Variants in ARHGAP40 observed in about 807,000 individuals in gnomAD.
The protein encoded by ARHGAP40 is Rho GTPase activating protein 40, also known as rho GTPase-activating protein 40.
Under a neutral mutation model 73.5 loss-of-function variants are expected in ARHGAP40, and 43 were observed. The observed-to-expected ratio is 0.58, with a 90% CI of 0.46 to 0.75. The LOEUF is 0.75. Ranked by LOEUF, ARHGAP40 falls within the 30% of genes least tolerant of loss-of-function variation. ARHGAP40 has a pLI of 0.00. For synonymous variants in ARHGAP40, 300 were observed against 352.8 expected (o/e 0.85, Z 1.68); for missense variants, 734 against 861.8 (o/e 0.85, Z 1.86).
chr20:38,618,123 G>A (rs1160943562), intron 1 of ARHGAP40, among the ~76,000 whole-genome samples: 2 of 149,498 alleles, frequency 1.3e-5, no homozygotes, highest in South Asian at 2.1e-4. Context: ...TTTCTGAGAC[G>A]GAGTCTCACA....
intron 4 of ARHGAP40, among the ~76,000 whole-genome samples, 185 bp from the exon 5 acceptor site, chr20:38,629,317 G>T (rs1380345738): frequency 6.6e-6 from 1 of 152,182 alleles, no homozygotes; most frequent in Non-Finnish European, 1.5e-5. Flanking sequence ...ATGGGCCATA[G>T]CTAGGAAATC....
At position 38,615,035 on chromosome 20, in the gene ARHGAP40, C is replaced by T. The variant is rs775509694; in HGVS notation, c.138-8324C>T. 20 of 1,118,868 alleles carry T rather than the reference C, an allele frequency of 1.8e-5. 1 individual carries two copies. Among genetic ancestry groups the T allele is most frequent in the South Asian group, 6.2e-5 (5 of 80,976 alleles). 69.3% of individuals were successfully genotyped at this position (1,118,868 alleles called of 1,614,324 possible). On this transcript the variant is annotated intron_variant, in intron 1 of 14. Coordinates refer to ENST00000373345, the Ensembl canonical transcript of ARHGAP40. ...TGATCTCCATCAAGGTCAAGTTATC[C>T]GGCTTGGCATGTGCCTCCTGTTGCC...
In ARHGAP40 at chr20:38,602,908, C is replaced by T. The variant is rs1018240274; in HGVS notation, c.137+829C>T. ...TATCTTTGGTTAATTTGAATCAGTT[C>T]CTGGCTAATGGACATTTAGGTTGGT... On this transcript the variant is annotated intron_variant, in intron 1 of 14. Coordinates refer to ENST00000373345, the Ensembl canonical transcript of ARHGAP40. 3.0e-4 allele frequency among the ~76,000 whole-genome samples: 46 copies of T among 152,296 alleles called. 1 individual carries two copies. Among genetic ancestry groups the T allele is most frequent in the African/African-American group, 1.1e-3 (46 of 41,564 alleles).
intron 1 of ARHGAP40, among the ~76,000 whole-genome samples, chr20:38,609,614 C>A (rs2088792984): frequency 6.6e-6 from 1 of 152,200 alleles, no homozygotes; most frequent in Non-Finnish European, 1.5e-5. Flanking sequence ...GAGCCCAACG[C>A]CTCTAGGAGG....
chr20:38,637,941 C>A, intron 7 of ARHGAP40, 142 bp downstream of exon 7: 1 of 504,518 alleles, frequency 2.0e-6, no homozygotes, highest in Non-Finnish European at 3.0e-6. Context: ...CTGGCTCTGG[C>A]ACTTGCTGGC....
At chr20:38,631,191 A>T (rs1225139916) in intron 5 of ARHGAP40, among the ~76,000 whole-genome samples, 5 of 151,392 alleles carry the variant, frequency 3.3e-5, no homozygotes, top group Admixed American at 3.3e-4. Context: ...GCAGGCCTGT[A>T]GTCTTAGCCA....
chr20:38,606,734 C>T (rs1431159877), intron 1 of ARHGAP40, among the ~76,000 whole-genome samples: 2 of 152,172 alleles, frequency 1.3e-5, no homozygotes, highest in Non-Finnish European at 2.9e-5. Flanking sequence ...GAATCAATCA[C>T]CTTTACAAGG....
chr20:38,628,851 C>A, intron 3 of ARHGAP40, 76 bp from the exon 4 acceptor site: 15 of 1,105,324 alleles, frequency 1.4e-5, no homozygotes, highest in Non-Finnish European at 1.8e-5. Context: ...TTGTGGGTGG[C>A]TTCTGTCTCC....
chr20:38,642,003 G>A (rs145503495), intron 10 of ARHGAP40, among the ~76,000 whole-genome samples, 195 bp downstream of exon 10: 248 of 152,284 alleles, frequency 1.6e-3, no homozygotes, highest in Middle Eastern at 3.4e-3. Flanking sequence ...GGATAGTCCC[G>A]GAGTGGGCAC....
intron 1 of ARHGAP40, among the ~76,000 whole-genome samples, chr20:38,602,407 T>G (rs371828476): frequency 1.3e-5 from 2 of 151,944 alleles, no homozygotes; most frequent in South Asian, 2.1e-4. Context: ...CCTCTGGGTG[T>G]AGAGTCTTAG....
rs1258713764 is a variant in ARHGAP40 at position 38,628,914 on chromosome 20, G to C, written c.559-13G>C. ...CCACATGAGTAATTGGGCACTGTCT[G>C]TAATTTGCATAGAAAATGTCGTCAG... On this transcript the variant is annotated splice_polypyrimidine_tract_variant and intron_variant, in intron 3 of 14. Transcript: ENST00000373345. 7.7e-7 allele frequency: 1 copy of C among 1,303,298 alleles called. No homozygotes were observed. The highest frequency in any genetic ancestry group is 1.0e-6 in the Non-Finnish European group (1 of 987,850). The allele number at this position is 1,303,298 out of a possible 1,614,324, so 80.7% of individuals were successfully genotyped here. A position where few individuals can be genotyped will look rare whatever the true frequency, so the allele number is the denominator to read the frequency against.
Position 38,641,809 on chromosome 20 carries a change from G to T in ARHGAP40, c.1362+1G>T. ...AGAACCCAACAGAAATGCCTTAAAGGTAAGAGTTACCATGCACCACCACCA... is the reference window on the plus strand; with the variant it reads ...AGAACCCAACAGAAATGCCTTAAAGTTAAGAGTTACCATGCACCACCACCA... On this transcript the variant is annotated splice_donor_variant, in intron 10 of 14. Coordinates refer to ENST00000373345, the Ensembl canonical transcript of ARHGAP40. LOFTEE classifies it high-confidence loss of function. The T allele has an allele frequency of 1.6e-6, 2 of 1,288,566 alleles. No individual in the cohort carries two copies. The highest frequency in any genetic ancestry group is 2.0e-6 in the Non-Finnish European group (2 of 982,800). 79.8% of individuals were successfully genotyped at this position (1,288,566 alleles called of 1,614,324 possible).
chr20:38,639,106 G>A lies in ARHGAP40; in HGVS notation c.1120-121G>A, dbSNP rs559608883. 368 of 1,057,934 alleles carry A rather than the reference G, an allele frequency of 3.5e-4. 1 individual carries two copies. Among genetic ancestry groups the A allele is most frequent in the Non-Finnish European group, 4.5e-4 (354 of 786,302 alleles). 65.5% of individuals were successfully genotyped at this position (1,057,934 alleles called of 1,614,324 possible). On this transcript the variant is annotated intron_variant, in intron 8 of 14. Transcript: ENST00000373345. ...CATTTCGTCCTTACTTCAACCCCACGAGGGAGGTGCTCTTGTTGTCCCCAC... is the reference window on the plus strand; with the variant it reads ...CATTTCGTCCTTACTTCAACCCCACAAGGGAGGTGCTCTTGTTGTCCCCAC...
chr20:38,605,969 T>C (rs2088768736), intron 1 of ARHGAP40, among the ~76,000 whole-genome samples: 1 of 152,130 alleles, frequency 6.6e-6, no homozygotes, highest in African/African-American at 2.4e-5. Context: ...CACTGCAGCC[T>C]CAACCTCCCA....
intron 2 of ARHGAP40, among the ~76,000 whole-genome samples, chr20:38,626,250 TA>T (rs1159181989): frequency 8.5e-5 from 13 of 152,234 alleles, no homozygotes; most frequent in African/African-American, 3.1e-4. Context: ...GGTACAACTG[TA>T]CACCCCACCA....
At chr20:38,639,505 A>C in intron 9 of ARHGAP40, 119 bp downstream of exon 9, 1 of 1,140,374 alleles carries the variant, frequency 8.8e-7, no homozygotes, top group Middle Eastern at 3.9e-4. Context: ...CTGTTCCAGA[A>C]ATGTCCAACT....
chr20:38,639,485 C>T (rs1386513207), intron 9 of ARHGAP40, 99 bp downstream of exon 9: 2 of 1,205,374 alleles, frequency 1.7e-6, no homozygotes, highest in Non-Finnish European at 2.2e-6. Flanking sequence ...CTCCGTGTTC[C>T]TGGAAATGTC....
rs141589884 is a variant in ARHGAP40 at position 38,611,855 on chromosome 20, C to T, written c.137+9776C>T. Among the ~76,000 whole-genome samples the T allele has an allele frequency of 3.7e-3, 562 of 151,606 alleles. 4 individuals carry two copies. Among genetic ancestry groups the T allele is most frequent in the African/African-American group, 0.012 (497 of 41,340 alleles). ...TCCCAAAGTGCTGGGATTACAGGCA[C>T]GAGCCACCGTGCCTGGCCACACCCG... On this transcript the variant is annotated intron_variant, in intron 1 of 14. Coordinates refer to ENST00000373345, the Ensembl canonical transcript of ARHGAP40.
rs537576521 is a variant in ARHGAP40, at chr20:38,638,081, G to A, written c.1041+282G>A. ...TCCCAGCACTTTGGGAGGCCGAAGC[G>A]GGTGGATCATGAGGTCAGGATATCA... On this transcript the variant is annotated intron_variant, in intron 7 of 14. Coordinates refer to ENST00000373345, the Ensembl canonical transcript of ARHGAP40. 2.6e-5 allele frequency among the ~76,000 whole-genome samples: 4 copies of A among 151,992 alleles called. No individual in the cohort carries two copies. In the South Asian group the frequency reaches 6.3e-4, roughly 24 times the overall value.
Sources: gnomAD v4.1 joint callset for allele counts (sites outside exome capture counted in the v4.1 genomes callset) on GRCh38, gnomAD v4.1.1 for gene constraint, MANE v1.5 for transcripts, NCBI Gene and HGNC (gene_info 2026-07-23, HGNC 2026-07-21) for gene names.